The following SUPT3H variants were observed in gnomAD, a reference collection of about 807,000 sequenced individuals.
SUPT3H encodes the protein SPT3 homolog, SAGA and STAGA complex component.
Under a neutral mutation model 44.3 loss-of-function variants are expected in SUPT3H, and 44 were observed. That is an observed-to-expected ratio of 0.99 (90% CI 0.78 to 1.28). The LOEUF (loss-of-function observed/expected upper bound fraction) is 1.28. Ranked by LOEUF, SUPT3H falls within the 50% of genes most tolerant of loss-of-function variation. SUPT3H has a pLI of 0.00. For missense variants in SUPT3H, 380 were observed against 387.1 expected, an observed-to-expected ratio of 0.98 and a Z score of 0.15; for synonymous variants, 124 against 125.6, an observed-to-expected ratio of 0.99 and a Z score of 0.09.
intron 2 of SUPT3H, among the ~76,000 whole-genome samples, chr6:45,172,322 C>T (rs193076319): frequency 2.0e-5 from 3 of 151,940 alleles, no homozygotes; most frequent in Non-Finnish European, 2.9e-5. Flanking sequence ...CCGCCCCCCT[C>T]GGCCTCCCAA....
At chr6:45,310,019 TG>T (rs1483012938) in intron 2 of SUPT3H, among the ~76,000 whole-genome samples, 1 of 152,094 alleles carries the variant, frequency 6.6e-6, no homozygotes, top group Non-Finnish European at 1.5e-5. Context: ...TCAAATACTC[TG>T]GGAAGTGGAA....
chr6:44,948,103 T>G (rs1773643198), intron 9 of SUPT3H, among the ~76,000 whole-genome samples: 1 of 152,232 alleles, frequency 6.6e-6, no homozygotes, highest in Non-Finnish European at 1.5e-5. Context: ...AAAGATCAGA[T>G]GGTTGTGGAT....
chr6:45,314,976 T>G (rs1173338734), intron 2 of SUPT3H, among the ~76,000 whole-genome samples: 1 of 152,002 alleles, frequency 6.6e-6, no homozygotes, highest in African/African-American at 2.4e-5. Context: ...AACTCAGAAA[T>G]AAATCCAAAT....
chr6:44,891,074 C>A (rs149699577), intron 10 of SUPT3H, among the ~76,000 whole-genome samples: 3,695 of 152,038 alleles, frequency 0.024, 154 homozygotes, highest in African/African-American at 0.083. Context: ...CACATGTATA[C>A]CTATGTAACA....
intron 2 of SUPT3H, among the ~76,000 whole-genome samples, chr6:45,184,257 G>C (rs1341788041): frequency 6.6e-6 from 1 of 152,116 alleles, no homozygotes; most frequent in Non-Finnish European, 1.5e-5. Flanking sequence ...CGCCTCTGAA[G>C]TGTATGCTTA....
At chr6:45,258,997 C>G (rs1203244987) in intron 2 of SUPT3H, among the ~76,000 whole-genome samples, 1 of 152,082 alleles carries the variant, frequency 6.6e-6, no homozygotes, top group African/African-American at 2.4e-5. Context: ...GTTACTCTAA[C>G]AACTGTACTA....
At chr6:44,855,196 GC>G (rs1773529436) in intron 10 of SUPT3H, among the ~76,000 whole-genome samples, 1 of 152,104 alleles carries the variant, frequency 6.6e-6, no homozygotes, top group South Asian at 2.1e-4. Flanking sequence ...ACTTAACTTT[GC>G]CCCTCTTCTC....
chr6:44,929,251 A>G (rs571771559), intron 10 of SUPT3H, among the ~76,000 whole-genome samples: 68 of 152,298 alleles, frequency 4.5e-4, no homozygotes, highest in African/African-American at 1.5e-3. Context: ...GTCATTTGGT[A>G]TAAAATTATT....
chr6:45,344,792 AAAG>A (rs996223017), intron 2 of SUPT3H, among the ~76,000 whole-genome samples: 4 of 152,196 alleles, frequency 2.6e-5, no homozygotes, highest in African/African-American at 9.6e-5. Flanking sequence ...TGGACCTAAA[AAAG>A]AAGGCCACTT....
intron 2 of SUPT3H, among the ~76,000 whole-genome samples, chr6:45,259,287 AAAG>A (rs1277853215): frequency 1.3e-5 from 2 of 152,138 alleles, no homozygotes; most frequent in Non-Finnish European, 2.9e-5. Context: ...AAGTAATTAC[AAAG>A]AATGGCTGCC....
chr6:44,833,076 T>C (rs193198435), intron 10 of SUPT3H, among the ~76,000 whole-genome samples: 14 of 152,312 alleles, frequency 9.2e-5, no homozygotes, highest in African/African-American at 3.1e-4. Context: ...TGTTTGCCAT[T>C]AGCCTACTTA....
intron 10 of SUPT3H, among the ~76,000 whole-genome samples, chr6:44,892,101 A>C (rs142449370): frequency 5.3e-5 from 8 of 152,310 alleles, no homozygotes; most frequent in South Asian, 4.1e-4. Context: ...TGGAATGAAG[A>C]GAATGTCTAG....
intron 2 of SUPT3H, among the ~76,000 whole-genome samples, chr6:45,112,299 G>A (rs935268396): frequency 2.6e-5 from 4 of 151,328 alleles, no homozygotes; most frequent in Non-Finnish European, 5.9e-5. Flanking sequence ...GTAACAGAAC[G>A]AAATAAATAA....
At chr6:44,900,973 A>G (rs574963487) in intron 10 of SUPT3H, among the ~76,000 whole-genome samples, 1 of 152,312 alleles carries the variant, frequency 6.6e-6, no homozygotes, top group East Asian at 1.9e-4. Context: ...TGACTGTTAG[A>G]AGGAAAACTA....
intron 10 of SUPT3H, among the ~76,000 whole-genome samples, chr6:44,862,226 C>A (rs878981120): frequency 5.3e-5 from 8 of 151,896 alleles, no homozygotes; most frequent in Admixed American, 5.2e-4. Flanking sequence ...TGCAATTTGC[C>A]CCCTTCTCTG....
intron 2 of SUPT3H, among the ~76,000 whole-genome samples, chr6:45,107,320 C>T (rs1799423373): frequency 6.6e-6 from 1 of 152,016 alleles, no homozygotes; most frequent in Admixed American, 6.6e-5. Context: ...CAGTCTATAC[C>T]GAACTAGTAG....
In SUPT3H at chr6:44,980,329, C is replaced by T. The variant is rs149231000; in HGVS notation, c.505-18501G>A. Among the ~76,000 whole-genome samples the T allele has an allele frequency of 8.7e-3, 1,307 of 150,988 alleles. 14 individuals carry two copies. The highest frequency in any genetic ancestry group is 0.015 in the Non-Finnish European group (1,039 of 67,816). On this transcript the variant is annotated intron_variant, in intron 6 of 10. Coordinates refer to ENST00000371459, the MANE Select transcript of SUPT3H (RefSeq NM_003599.4). ...TCGGAAACTGAAAATTTATGTGAAA[C>T]AACATATAACAAAATCATTTTTTTC...
chr6:45,349,568 G>T (rs1455747585), intron 2 of SUPT3H, among the ~76,000 whole-genome samples: 4 of 152,164 alleles, frequency 2.6e-5, no homozygotes, highest in Non-Finnish European at 4.4e-5. Context: ...GCAGTTTAAT[G>T]GTTCAGCAAG....
At chr6:45,321,974 G>A in intron 2 of SUPT3H, 1 of 854,894 alleles carries the variant, frequency 1.2e-6, no homozygotes, top group Non-Finnish European at 1.8e-6. Flanking sequence ...TAATCATCAA[G>A]TAAAAAGTCT....
Sources: gnomAD v4.1 joint callset for allele counts (sites outside exome capture counted in the v4.1 genomes callset) on GRCh38, gnomAD v4.1.1 for gene constraint, MANE v1.5 for transcripts, NCBI Gene and HGNC (gene_info 2026-07-23, HGNC 2026-07-21) for gene names.